Variants in STXBP5L observed in about 807,000 individuals in gnomAD.
The protein encoded by STXBP5L is syntaxin binding protein 5L.
A neutral mutation model predicts 144.5 loss-of-function variants in STXBP5L; 65 were observed. The observed-to-expected ratio is 0.45, with a 90% CI of 0.37 to 0.55. The LOEUF (loss-of-function observed/expected upper bound fraction) is 0.55. STXBP5L is among the 20% of genes least tolerant of loss of function. The probability of loss-of-function intolerance (pLI) is 0.00; values close to 1 mark genes in which losing one functional copy is unlikely to be tolerated. For missense variants in STXBP5L, 1,298 were observed against 1,405.5 expected (o/e 0.92, Z 1.22); for synonymous variants, 505 against 469.6 (o/e 1.08, Z -0.97).
intron 7 of STXBP5L, among the ~76,000 whole-genome samples, chr3:121,138,686 T>C (rs1238486522): frequency 6.6e-6 from 1 of 152,024 alleles, no homozygotes; most frequent in Admixed American, 6.6e-5. Context: ...TAAATAATAT[T>C]GGGAAAACTG....
chr3:121,173,153 G>T (rs1054763881), intron 9 of STXBP5L, among the ~76,000 whole-genome samples: 1 of 151,880 alleles, frequency 6.6e-6, no homozygotes, highest in Non-Finnish European at 1.5e-5. Flanking sequence ...CACAGGGAGG[G>T]GAACATCACA....
At chr3:120,987,119 A>T (rs1201938040) in intron 3 of STXBP5L, among the ~76,000 whole-genome samples, 4 of 152,068 alleles carry the variant, frequency 2.6e-5, no homozygotes, top group Non-Finnish European at 5.9e-5. Context: ...ATTCATATTG[A>T]GACACATTAT....
intron 5 of STXBP5L, among the ~76,000 whole-genome samples, chr3:121,082,763 A>G (rs1434977676): frequency 1.3e-5 from 2 of 152,164 alleles, no homozygotes; most frequent in African/African-American, 4.8e-5. Flanking sequence ...GCATCAACTG[A>G]TGATTTTTCT....
At chr3:121,321,745 A>G (rs1346197106) in intron 20 of STXBP5L, among the ~76,000 whole-genome samples, 6 of 152,244 alleles carry the variant, frequency 3.9e-5, no homozygotes, top group African/African-American at 1.4e-4. Flanking sequence ...TAAATCTGCT[A>G]CAGATGAAAA....
chr3:121,322,476 CAAA>C (rs5852266), intron 20 of STXBP5L, among the ~76,000 whole-genome samples: 9 of 128,446 alleles, frequency 7.0e-5, no homozygotes, highest in Non-Finnish European at 3.2e-5. Flanking sequence ...GAAACTGTGC[CAAA>C]AAAAAAAAAA....
At chr3:121,012,424 C>G (rs1944844231) in intron 3 of STXBP5L, among the ~76,000 whole-genome samples, 2 of 151,786 alleles carry the variant, frequency 1.3e-5, no homozygotes, top group African/African-American at 4.8e-5. Flanking sequence ...GTTTCACATT[C>G]CCACCAGCAA....
At chr3:121,064,018 C>T (rs952512152) in intron 5 of STXBP5L, among the ~76,000 whole-genome samples, 1 of 152,080 alleles carries the variant, frequency 6.6e-6, no homozygotes, top group Non-Finnish European at 1.5e-5. Context: ...CACTGGCATT[C>T]CAAGCGCCAC....
chr3:121,229,224 C>T, intron 11 of STXBP5L, among the ~76,000 whole-genome samples: 1 of 152,182 alleles, frequency 6.6e-6, no homozygotes, highest in African/African-American at 2.4e-5. Flanking sequence ...CTTATCTTTA[C>T]ATCTATAACT....
chr3:121,011,954 G>C (rs544112168), intron 3 of STXBP5L, among the ~76,000 whole-genome samples: 4 of 151,758 alleles, frequency 2.6e-5, no homozygotes, highest in Non-Finnish European at 5.9e-5. Context: ...CTATTAGACA[G>C]TCACTTTCTA....
chr3:121,415,997 A>G, intron 25 of STXBP5L, 29 bp downstream of exon 25: 2 of 1,560,410 alleles, frequency 1.3e-6, no homozygotes, highest in Non-Finnish European at 1.8e-6. Flanking sequence ...ATAGAAATGT[A>G]TTGCAAAATA....
At chr3:121,222,803 T>C (rs1008249749) in intron 10 of STXBP5L, among the ~76,000 whole-genome samples, 200 bp from the exon 11 acceptor site, 2 of 152,186 alleles carry the variant, frequency 1.3e-5, no homozygotes, top group South Asian at 4.1e-4. Context: ...TTAGTAAATT[T>C]AATGTGAGAA....
chr3:121,406,790 T>C (rs559728147), intron 22 of STXBP5L, among the ~76,000 whole-genome samples: 12 of 152,114 alleles, frequency 7.9e-5, no homozygotes, highest in East Asian at 1.9e-4. Flanking sequence ...TCAAATAAGA[T>C]TGTGTGATTA....
intron 22 of STXBP5L, among the ~76,000 whole-genome samples, chr3:121,401,796 A>G (rs538982974): frequency 5.2e-5 from 7 of 134,388 alleles, no homozygotes; most frequent in African/African-American, 2.0e-4. Flanking sequence ...CTAATGCTAG[A>G]TGACACGTTA....
chr3:121,089,137 G>A (rs1371186285), intron 5 of STXBP5L, among the ~76,000 whole-genome samples: 3 of 99,282 alleles, frequency 3.0e-5, no homozygotes, highest in African/African-American at 7.7e-5. Flanking sequence ...AAGAGGAGAA[G>A]GAAAAAAATA....
chr3:121,186,104 T>C (rs1407398574), intron 9 of STXBP5L, among the ~76,000 whole-genome samples: 1 of 152,172 alleles, frequency 6.6e-6, no homozygotes, highest in Admixed American at 6.6e-5. Flanking sequence ...TGTTTGTCTG[T>C]TATTGGTGTA....
At chr3:121,401,756 AG>A (rs370992146) in intron 22 of STXBP5L, among the ~76,000 whole-genome samples, 26,335 of 97,682 alleles carry the variant, frequency 0.27, 3,997 homozygotes, top group Middle Eastern at 0.39. Flanking sequence ...GGGTCGGGGG[AG>A]GGGGGAGGGA....
chr3:121,058,777 T>C (rs532475159), intron 5 of STXBP5L, among the ~76,000 whole-genome samples: 2 of 152,348 alleles, frequency 1.3e-5, no homozygotes, highest in Non-Finnish European at 1.5e-5. Flanking sequence ...ATGTCTTCTT[T>C]TGAGGAGTGT....
intron 22 of STXBP5L, among the ~76,000 whole-genome samples, chr3:121,405,529 G>T (rs554552515): frequency 5.9e-5 from 9 of 152,092 alleles, no homozygotes; most frequent in Non-Finnish European, 1.3e-4. Context: ...AGTCGGCAAG[G>T]CTGGTGATTT....
At chr3:121,152,726 TTTTTC>T (rs2045973689) in intron 8 of STXBP5L, among the ~76,000 whole-genome samples, 166 bp downstream of exon 8, 2 of 152,164 alleles carry the variant, frequency 1.3e-5, no homozygotes, top group African/African-American at 4.8e-5. Context: ...CATCTCTAGA[TTTTTC>T]TTTTAAGAGG....
Sources: gnomAD v4.1 joint callset for allele counts (sites outside exome capture counted in the v4.1 genomes callset) on GRCh38, gnomAD v4.1.1 for gene constraint, MANE v1.5 for transcripts, NCBI Gene and HGNC (gene_info 2026-07-23, HGNC 2026-07-21) for gene names.